The following PTGFRN variants were observed in gnomAD, a reference collection of about 807,000 sequenced individuals.
PTGFRN encodes prostaglandin F2 receptor negative regulator.
In PTGFRN, 35 loss-of-function variants were observed where a neutral mutation model predicts 83.2. The ratio of observed to expected loss-of-function variants is 0.42; its 90% confidence interval spans 0.32 to 0.56. The LOEUF (loss-of-function observed/expected upper bound fraction) is 0.56. Ranked by LOEUF, PTGFRN falls within the 20% of genes least tolerant of loss-of-function variation. The pLI, the probability that PTGFRN is intolerant of heterozygous loss-of-function variation, is 0.11. For missense variants in PTGFRN, 1,051 were observed against 1,179.5 expected, an observed-to-expected ratio of 0.89 and a Z score of 1.60; for synonymous variants, 519 against 498.6, an observed-to-expected ratio of 1.04 and a Z score of -0.55.
In PTGFRN at chr1:116,989,949, G is replaced by A. The variant is rs1241379679; in HGVS notation, c.*2982G>A. 1 of 152,652 alleles carries A rather than the reference G, an allele frequency of 6.6e-6. No homozygotes were observed. Among genetic ancestry groups the A allele is most frequent in the Non-Finnish European group, 1.5e-5 (1 of 68,052 alleles). The allele number at this position is 152,652 out of a possible 1,614,324, so 9.5% of individuals were successfully genotyped here. ...CTTCTTGCTTTGCAGACTGCCTGCA[G>A]CCATGATTTTGTCACTGACATCTGT... On this transcript the variant is annotated 3_prime_UTR_variant, in exon 9 of 9. Transcript: ENST00000393203.
intron 4 of PTGFRN, among the ~76,000 whole-genome samples, chr1:116,954,986 G>T (rs568900079): frequency 6.6e-6 from 1 of 152,286 alleles, no homozygotes; most frequent in African/African-American, 2.4e-5. Flanking sequence ...TTACAAAATT[G>T]TCATGAGAGT....
chr1:116,962,862 C>T (rs1370734730), intron 5 of PTGFRN, among the ~76,000 whole-genome samples: 1 of 152,246 alleles, frequency 6.6e-6, no homozygotes, highest in Non-Finnish European at 1.5e-5. Context: ...ACGTCTCTCT[C>T]ACTAGGGTGC....
In PTGFRN at chr1:116,949,441, G is replaced by T. The variant is rs746038245; in HGVS notation, c.1082G>T (p.Arg361Leu). 1.2e-6 allele frequency: 2 copies of T among 1,614,230 alleles called. No individual in the cohort carries two copies. Among genetic ancestry groups the T allele is most frequent in the East Asian group, 2.2e-5 (1 of 44,888 alleles). ...VDARSYHLLV[R>L]DVSKENSGYY... is the part of the protein sequence containing the mutation. ...GCACGCTCCTACCATTTACTGGTTC[G>T]GGATGTTAGCAAAGAAAACTCTGGC... is the stretch of plus-strand genomic sequence containing the variant. The change falls in exon 4 of 9, where the codon CGG becomes CTG. Residue 361 changes from arginine to leucine, a missense_variant. This residue lies in a region of PTGFRN where 719 missense variants were observed against 836.6 expected (regional missense o/e 0.86). Transcript: ENST00000393203.
intron 8 of PTGFRN, among the ~76,000 whole-genome samples, chr1:116,986,589 G>T (rs142939996): frequency 1.3e-5 from 2 of 152,198 alleles, no homozygotes; most frequent in Non-Finnish European, 2.9e-5. Context: ...TATTCTCCCC[G>T]CAGAGCTGGG....
chr1:116,928,898 AG>A (rs1464471461), intron 1 of PTGFRN, among the ~76,000 whole-genome samples: 1 of 152,076 alleles, frequency 6.6e-6, no homozygotes, highest in East Asian at 1.9e-4. Context: ...AAGTGACCCC[AG>A]GCAACCTGTG....
intron 1 of PTGFRN, among the ~76,000 whole-genome samples, chr1:116,925,640 T>A (rs1649639408): frequency 6.6e-6 from 1 of 152,196 alleles, no homozygotes; most frequent in South Asian, 2.1e-4. Flanking sequence ...GTCTGTTTTT[T>A]CCTGATTCTG....
At chr1:116,978,507 C>G (rs1651222654) in intron 7 of PTGFRN, among the ~76,000 whole-genome samples, 2 of 151,698 alleles carry the variant, frequency 1.3e-5, no homozygotes, top group East Asian at 1.9e-4. Context: ...AGCAGCACAT[C>G]AAAAGGCTTA....
chr1:116,913,295 G>A (rs1649318286), intron 1 of PTGFRN, among the ~76,000 whole-genome samples: 1 of 152,182 alleles, frequency 6.6e-6, no homozygotes, highest in Non-Finnish European at 1.5e-5. Flanking sequence ...AATTTTGAAA[G>A]AAAGGATAGA....
At chr1:116,984,355 C>T (rs541783641) in intron 7 of PTGFRN, among the ~76,000 whole-genome samples, 2 of 152,178 alleles carry the variant, frequency 1.3e-5, no homozygotes, top group South Asian at 4.2e-4. Flanking sequence ...TTGGCCCTGA[C>T]TCTTCTTCCT....
At chr1:116,962,731 T>C (rs1650699860) in intron 5 of PTGFRN, among the ~76,000 whole-genome samples, 1 of 152,174 alleles carries the variant, frequency 6.6e-6, no homozygotes, top group Non-Finnish European at 1.5e-5. Flanking sequence ...TCTCTAAACA[T>C]ATCTCCTGTC....
At chr1:116,974,179 A>G in intron 6 of PTGFRN, 37 bp from the exon 7 acceptor site, 1 of 1,463,398 alleles carries the variant, frequency 6.8e-7, no homozygotes, top group Non-Finnish European at 9.6e-7. Flanking sequence ...CAAAAGCATG[A>G]AAGAGAATAA....
intron 6 of PTGFRN, among the ~76,000 whole-genome samples, chr1:116,969,207 A>G (rs568939546): frequency 2.6e-5 from 4 of 151,004 alleles, no homozygotes; most frequent in East Asian, 1.9e-4. Context: ...ATTTACACCT[A>G]TGTTTTCTTC....
At chr1:116,936,196 A>AT (rs1049108917) in intron 1 of PTGFRN, among the ~76,000 whole-genome samples, 1 of 151,956 alleles carries the variant, frequency 6.6e-6, no homozygotes, top group Non-Finnish European at 1.5e-5. Flanking sequence ...CATATGCTCT[A>AT]TTTTTTCCAA....
chr1:116,944,631 CTGGGG>C, intron 2 of PTGFRN, 43 bp from the exon 3 acceptor site: 1 of 1,355,330 alleles, frequency 7.4e-7, no homozygotes, highest in Non-Finnish European at 9.5e-7. Flanking sequence ...CCCTTGCCGG[CTGGGG>C]TCGGTGTGGA....
rs1651088503 is a variant in PTGFRN, at chr1:116,974,470, A to C, written c.2167+147A>C. ...CTGGCCCAGTACTTTGTACTCATTA[A>C]GTGTTTAATAAATACATGTTGAGTG... On this transcript the variant is annotated intron_variant, in intron 7 of 8. Coordinates refer to ENST00000393203, the MANE Select transcript of PTGFRN (RefSeq NM_020440.4). The C allele has an allele frequency of 1.4e-5, 8 of 552,146 alleles. No individual in the cohort carries two copies. The East Asian group carries it at 2.4e-4, about 16-fold the overall frequency. The allele number at this position is 552,146 out of a possible 1,614,324, so 34.2% of individuals were successfully genotyped here. A position where few individuals can be genotyped will look rare whatever the true frequency, so the allele number is the denominator to read the frequency against.
At chr1:116,936,524 T>A (rs1477391792) in intron 1 of PTGFRN, among the ~76,000 whole-genome samples, 1 of 152,148 alleles carries the variant, frequency 6.6e-6, no homozygotes, top group Non-Finnish European at 1.5e-5. Flanking sequence ...TAAGTGATCC[T>A]AGGGGAGTTG....
Position 116,941,192 on chromosome 1 carries a change from C to T in PTGFRN, c.50-523C>T, listed in dbSNP as rs936906157. ...TCATATTTTAAAATTAATTTATAGGCAATGTCAGATAACAGGAGTTAAATC... is the reference window on the plus strand; with the variant it reads ...TCATATTTTAAAATTAATTTATAGGTAATGTCAGATAACAGGAGTTAAATC... On this transcript the variant is annotated intron_variant, in intron 1 of 8. Transcript: ENST00000393203. This position sits in a 1 kb window ranked among gnomAD's most constrained non-coding sequence, Gnocchi z 5.0. 3.9e-5 allele frequency among the ~76,000 whole-genome samples: 6 copies of T among 152,114 alleles called. No individual in the cohort carries two copies. The highest frequency in any genetic ancestry group is 2.0e-4 in the Admixed American group (3 of 15,282).
chr1:116,932,197 A>G (rs1298559150), intron 1 of PTGFRN, among the ~76,000 whole-genome samples: 1 of 152,258 alleles, frequency 6.6e-6, no homozygotes, highest in African/African-American at 2.4e-5. Context: ...GGAAAAGCAT[A>G]GATAAATGAA....
rs1020441577 is a variant in PTGFRN, at chr1:116,952,552, G to C, written c.1213+2980G>C. On this transcript the variant is annotated intron_variant, in intron 4 of 8. Transcript: ENST00000393203. This position sits in a 1 kb window ranked among gnomAD's most constrained non-coding sequence, Gnocchi z 4.0. ...AATCAAGATCAAAAGGGTAAAAGAA[G>C]AATAGATATTGCAAGGTGGTTGGTA... is the stretch of plus-strand genomic sequence containing the variant. 2.6e-5 allele frequency among the ~76,000 whole-genome samples: 4 copies of C among 151,826 alleles called. No individual in the cohort carries two copies. The highest frequency in any genetic ancestry group is 9.7e-5 in the African/African-American group (4 of 41,258).
Sources: allele counts gnomAD v4.1 joint callset (sites outside exome capture counted in the v4.1 genomes callset), GRCh38; gene constraint gnomAD v4.1.1; regional missense constraint gnomAD v4.1.1; non-coding constraint Gnocchi (gnomAD v3.1); transcripts MANE v1.5; gene names NCBI Gene and HGNC (gene_info 2026-07-23, HGNC 2026-07-21).